The following TINAG variants were observed in gnomAD, a reference collection of about 807,000 sequenced individuals.
TINAG encodes tubulointerstitial nephritis antigen.
Under a neutral mutation model 72.7 loss-of-function variants are expected in TINAG, and 83 were observed. The ratio of observed to expected loss-of-function variants is 1.14; its 90% CI spans 0.96 to 1.37. The LOEUF is 1.37. Ranked by LOEUF, TINAG falls within the 40% of genes most tolerant of loss-of-function variation. TINAG has a pLI of 0.00. For synonymous variants in TINAG, 234 were observed against 189.9 expected, an observed-to-expected ratio of 1.23 and a Z score of -1.91; for missense variants, 685 against 576.6, an observed-to-expected ratio of 1.19 and a Z score of -1.93.
At chr6:54,333,980 T>G (rs182216857) in intron 4 of TINAG, among the ~76,000 whole-genome samples, 2 of 152,216 alleles carry the variant, frequency 1.3e-5, no homozygotes, top group African/African-American at 4.8e-5. Flanking sequence ...TACCTCCAGT[T>G]TTCTAGCATT....
At chr6:54,329,320 C>G (rs1317007367) in intron 4 of TINAG, among the ~76,000 whole-genome samples, 3 of 152,000 alleles carry the variant, frequency 2.0e-5, no homozygotes, top group Non-Finnish European at 2.9e-5. Context: ...GGCCAATATT[C>G]AACATTCTTA....
At chr6:54,333,701 C>T (rs189580975) in intron 4 of TINAG, among the ~76,000 whole-genome samples, 7 of 152,156 alleles carry the variant, frequency 4.6e-5, no homozygotes, top group Admixed American at 4.6e-4. Flanking sequence ...AATGACTTCA[C>T]AGAAATACAA....
intron 3 of TINAG, among the ~76,000 whole-genome samples, chr6:54,324,325 C>T (rs1276601775): frequency 6.6e-6 from 1 of 152,146 alleles, no homozygotes; most frequent in African/African-American, 2.4e-5. Flanking sequence ...TACTCTATGT[C>T]TTGTGGTTGG....
At chr6:54,317,941 C>A (rs1035738649) in intron 1 of TINAG, among the ~76,000 whole-genome samples, 1 of 151,990 alleles carries the variant, frequency 6.6e-6, no homozygotes, top group African/African-American at 2.4e-5. Context: ...GTGTTCTTGG[C>A]CTCTCGACAG....
chr6:54,344,346 C>G (rs1175221317), intron 5 of TINAG, among the ~76,000 whole-genome samples: 1 of 152,122 alleles, frequency 6.6e-6, no homozygotes, highest in Non-Finnish European at 1.5e-5. Flanking sequence ...CCCCAAGTGG[C>G]TACATTTGTT....
intron 9 of TINAG, among the ~76,000 whole-genome samples, chr6:54,355,304 A>G (rs1762998811): frequency 6.6e-6 from 1 of 151,884 alleles, no homozygotes; most frequent in Non-Finnish European, 1.5e-5. Context: ...ACAAAGTTTT[A>G]TTTTCCATCT....
intron 1 of TINAG, among the ~76,000 whole-genome samples, chr6:54,319,315 C>G (rs944729391): frequency 2.0e-5 from 3 of 152,108 alleles, no homozygotes; most frequent in Non-Finnish European, 2.9e-5. Context: ...AAATTAGAAA[C>G]ATACTGTGGA....
intron 9 of TINAG, among the ~76,000 whole-genome samples, chr6:54,378,399 A>C (rs560058592): frequency 1.3e-5 from 2 of 152,244 alleles, no homozygotes; most frequent in Admixed American, 1.3e-4. Context: ...GTTTAGAATG[A>C]CTGGTGTTTT....
intron 9 of TINAG, among the ~76,000 whole-genome samples, chr6:54,360,842 T>TG (rs1763208630): frequency 2.1e-5 from 1 of 48,144 alleles, no homozygotes; most frequent in Non-Finnish European, 3.9e-5. Context: ...AGATACTGTG[T>TG]TTTTTTTTTT....
chr6:54,323,989 G>A (rs1267421837), intron 3 of TINAG, among the ~76,000 whole-genome samples: 1 of 152,098 alleles, frequency 6.6e-6, no homozygotes, highest in Non-Finnish European at 1.5e-5. Flanking sequence ...TTTATGTTAA[G>A]GGAATTTACC....
chr6:54,385,930 G>A (rs1443396854), intron 10 of TINAG, among the ~76,000 whole-genome samples: 1 of 120,068 alleles, frequency 8.3e-6, no homozygotes, highest in Non-Finnish European at 1.6e-5. Flanking sequence ...TCACTCTGTC[G>A]TCCAGGCTGG....
intron 9 of TINAG, among the ~76,000 whole-genome samples, chr6:54,361,253 G>A (rs1270981869): frequency 6.6e-6 from 1 of 151,452 alleles, no homozygotes; most frequent in Non-Finnish European, 1.5e-5. Flanking sequence ...GGGTTCAAGT[G>A]AAAGGAAGAT....
rs1209099252 is a variant in TINAG at position 54,356,928 on chromosome 6, A to AC, written c.1250+2292_1250+2293insC. 1.8e-4 allele frequency among the ~76,000 whole-genome samples: 27 copies of AC among 150,150 alleles called. 1 individual carries two copies. The highest frequency in any genetic ancestry group is 6.3e-4 in the South Asian group (3 of 4,764). On this transcript the variant is annotated intron_variant, in intron 9 of 10. Transcript: ENST00000259782. ...TGTTATCCCTCAGATTAAAAAAAAAAACCTCAGCACTTTTTTGGACTCTGC... is the reference window on the plus strand; with the variant it reads ...TGTTATCCCTCAGATTAAAAAAAAAACACCTCAGCACTTTTTTGGACTCTGC...
intron 4 of TINAG, among the ~76,000 whole-genome samples, chr6:54,328,062 T>C (rs563934253): frequency 1.3e-5 from 2 of 152,244 alleles, no homozygotes; most frequent in South Asian, 4.1e-4. Flanking sequence ...TAAATTTTCC[T>C]GTCTGCCAGA....
intron 10 of TINAG, among the ~76,000 whole-genome samples, chr6:54,384,355 A>G (rs1375260733): frequency 3.3e-5 from 5 of 152,118 alleles, no homozygotes; most frequent in Non-Finnish European, 7.4e-5. Flanking sequence ...ATTATAATAA[A>G]AAATGAGTTC....
intron 10 of TINAG, among the ~76,000 whole-genome samples, chr6:54,382,692 T>G (rs547484260): frequency 1.3e-4 from 20 of 152,186 alleles, no homozygotes; most frequent in Middle Eastern, 3.4e-3. Flanking sequence ...CAGAGTAACA[T>G]AGCAGCATGC....
chr6:54,385,191 A>G (rs796370846), intron 10 of TINAG, among the ~76,000 whole-genome samples: 15 of 152,206 alleles, frequency 9.9e-5, no homozygotes, highest in African/African-American at 3.6e-4. Context: ...AAACAGACAT[A>G]TTATAATAGA....
At chr6:54,382,014 CAT>C (rs1763966358) in intron 10 of TINAG, among the ~76,000 whole-genome samples, 1 of 152,052 alleles carries the variant, frequency 6.6e-6, no homozygotes, top group African/African-American at 2.4e-5. Flanking sequence ...CACACACACA[CAT>C]ACACATACGC....
Position 54,314,532 on chromosome 6 carries a change from G to T in TINAG, c.355+5627G>T, listed in dbSNP as rs1784328744. Among the ~76,000 whole-genome samples the T allele has an allele frequency of 2.0e-5, 3 of 152,068 alleles. No individual in the cohort carries two copies. The South Asian group carries it at 6.2e-4, about 32-fold the overall frequency. On this transcript the variant is annotated intron_variant, in intron 1 of 10. Transcript: ENST00000259782. The stretch of plus-strand genomic sequence containing the variant: ...GGTAATGTGTCTAGCTATGAATGGG[G>T]TTCTGTTACAAAAAAAAAGAGTAGA...
Sources: allele counts gnomAD v4.1 joint callset (sites outside exome capture counted in the v4.1 genomes callset), GRCh38; gene constraint gnomAD v4.1.1; transcripts MANE v1.5; gene names NCBI Gene and HGNC (gene_info 2026-07-23, HGNC 2026-07-21).